POLR3B: variants seen among roughly 807,000 people sequenced by gnomAD.
The protein encoded by POLR3B is DNA-directed RNA polymerase III subunit RPC2.
A neutral mutation model predicts 147.4 loss-of-function variants in POLR3B; 96 were observed. That is an observed-to-expected ratio of 0.65 (90% CI 0.55 to 0.77). POLR3B has a LOEUF of 0.77. POLR3B is among the 30% of genes least tolerant of loss of function. The pLI is 0.00. For synonymous variants in POLR3B, 461 were observed against 485.9 expected (o/e 0.95, Z 0.67); for missense variants, 1,036 against 1,413.5 (o/e 0.73, Z 4.28).
chr12:106,371,923 A>G (rs1029915688), intron 6 of POLR3B, among the ~76,000 whole-genome samples: 1 of 152,070 alleles, frequency 6.6e-6, no homozygotes. Context: ...CATGTACCCT[A>G]AAACTTAAAG....
intron 23 of POLR3B, among the ~76,000 whole-genome samples, chr12:106,477,891 C>CCTTTTT (rs1565909279): frequency 5.7e-5 from 4 of 70,478 alleles, no homozygotes; most frequent in Non-Finnish European, 7.4e-5. Flanking sequence ...GGCTCCTCCC[C>CCTTTTT]TTTTTTTTTT....
intron 10 of POLR3B, among the ~76,000 whole-genome samples, chr12:106,397,531 C>T (rs2036996786): frequency 6.6e-6 from 1 of 152,232 alleles, no homozygotes; most frequent in East Asian, 1.9e-4. Flanking sequence ...GTGATTTTTG[C>T]ACCATAGATT....
intron 12 of POLR3B, among the ~76,000 whole-genome samples, chr12:106,413,772 G>A (rs3851632): frequency 0.34 from 51,154 of 151,386 alleles, 11,479 homozygotes; most frequent in African/African-American, 0.64. Flanking sequence ...CCTTTTTTCT[G>A]TTCTCTTTTT....
intron 9 of POLR3B, among the ~76,000 whole-genome samples, chr12:106,392,043 G>A (rs2036920907): frequency 6.6e-6 from 1 of 152,212 alleles, no homozygotes; most frequent in Non-Finnish European, 1.5e-5. Flanking sequence ...CCAGGCAAAT[G>A]TGTGAAGGAG....
chr12:106,381,437 A>G (rs1006998244), intron 9 of POLR3B, among the ~76,000 whole-genome samples: 2 of 152,232 alleles, frequency 1.3e-5, no homozygotes, highest in African/African-American at 2.4e-5. Flanking sequence ...TATTTCAACA[A>G]TGTATACAGC....
chr12:106,444,255 A>ATGTGAG (rs1282849487), intron 18 of POLR3B, among the ~76,000 whole-genome samples: 4 of 152,222 alleles, frequency 2.6e-5, no homozygotes, highest in African/African-American at 9.6e-5. Flanking sequence ...TATGTGTTGA[A>ATGTGAG]TATAGTAATT....
At chr12:106,361,998 T>C (rs1334778177) in intron 1 of POLR3B, among the ~76,000 whole-genome samples, 1 of 152,022 alleles carries the variant, frequency 6.6e-6, no homozygotes. Flanking sequence ...TATAACGGAA[T>C]GAAGGAGTGG....
intron 25 of POLR3B, among the ~76,000 whole-genome samples, chr12:106,498,578 G>GTT (rs1368946611): frequency 1.9e-4 from 26 of 139,406 alleles, no homozygotes; most frequent in African/African-American, 5.3e-4. Flanking sequence ...GTTTTTTGGG[G>GTT]TTTGTTTTTT....
intron 9 of POLR3B, among the ~76,000 whole-genome samples, chr12:106,389,467 A>G (rs1442054848): frequency 6.6e-6 from 1 of 152,206 alleles, no homozygotes; most frequent in East Asian, 1.9e-4. Flanking sequence ...TGCAGTTATG[A>G]AATCACCACT....
chr12:106,401,920 C>G (rs2037073933), intron 10 of POLR3B, among the ~76,000 whole-genome samples: 1 of 152,214 alleles, frequency 6.6e-6, no homozygotes, highest in Non-Finnish European at 1.5e-5. Context: ...GATGCCCTCT[C>G]TCACCACTCC....
intron 9 of POLR3B, among the ~76,000 whole-genome samples, chr12:106,385,672 G>A (rs536394380): frequency 1.5e-4 from 23 of 152,222 alleles, no homozygotes; most frequent in South Asian, 1.2e-3. Flanking sequence ...GGGATTTAGG[G>A]AGAGAGTATT....
At chr12:106,440,351 C>T (rs2037633493) in intron 18 of POLR3B, among the ~76,000 whole-genome samples, 1 of 152,136 alleles carries the variant, frequency 6.6e-6, no homozygotes, top group South Asian at 2.1e-4. Context: ...ACACCTGTTC[C>T]CATATAGTCT....
At chr12:106,371,315 A>C (rs896072063) in intron 6 of POLR3B, among the ~76,000 whole-genome samples, 4 of 152,192 alleles carry the variant, frequency 2.6e-5, no homozygotes, top group Non-Finnish European at 5.9e-5. Flanking sequence ...ATGTGGAGAA[A>C]TAGGAACACA....
intron 12 of POLR3B, among the ~76,000 whole-genome samples, chr12:106,412,280 ACAT>A (rs1483863980): frequency 6.6e-6 from 1 of 152,078 alleles, no homozygotes; most frequent in Admixed American, 6.5e-5. Flanking sequence ...CCTGCAGCAA[ACAT>A]CAGCTGAAAT....
Position 106,427,188 on chromosome 12 carries a change from T to TTTTTTATTTTTTTTC in POLR3B, c.1102-4_1102-3insATTTTTTTTCTTTTT, listed in dbSNP as rs1220330111. The TTTTTTATTTTTTTTC allele has an allele frequency of 6.8e-7, 1 of 1,478,208 alleles. No individual in the cohort carries two copies. The allele number at this position is 1,478,208 out of a possible 1,614,324, so 91.6% of individuals were successfully genotyped here. On this transcript the variant is annotated splice_polypyrimidine_tract_variant and intron_variant, in intron 12 of 27. Transcript: ENST00000228347. ...AAAAATCACCATATACCTTTTTTTT[T>TTTTTTATTTTTTTTC]TTTTTTAGCTTTTATCTCTTCTTTT...
intron 18 of POLR3B, among the ~76,000 whole-genome samples, chr12:106,442,836 C>T (rs980819277): frequency 6.6e-6 from 1 of 152,146 alleles, no homozygotes; most frequent in Admixed American, 6.5e-5. Flanking sequence ...ACATCTGGTA[C>T]TTTCCACAAA....
intron 10 of POLR3B, among the ~76,000 whole-genome samples, chr12:106,396,115 C>T (rs946854133): frequency 6.6e-6 from 1 of 152,120 alleles, no homozygotes; most frequent in Non-Finnish European, 1.5e-5. Context: ...GGATAGGAGG[C>T]ACTAGGCATG....
At chr12:106,456,678 C>T (rs1015171792) in intron 20 of POLR3B, among the ~76,000 whole-genome samples, 1 of 152,158 alleles carries the variant, frequency 6.6e-6, no homozygotes, top group African/African-American at 2.4e-5. Context: ...CTGTTCAACA[C>T]AATTCTCAAC....
chr12:106,429,425 C>G (rs2137001147), intron 13 of POLR3B, among the ~76,000 whole-genome samples: 1 of 152,282 alleles, frequency 6.6e-6, no homozygotes, highest in East Asian at 1.9e-4. Context: ...AGGCGTGAGC[C>G]AACACACCCG....
Sources: allele counts gnomAD v4.1 joint callset (sites outside exome capture counted in the v4.1 genomes callset), GRCh38; gene constraint gnomAD v4.1.1; transcripts MANE v1.5; gene names NCBI Gene and HGNC (gene_info 2026-07-23, HGNC 2026-07-21).